SNX24: variants seen among roughly 807,000 people sequenced by gnomAD.
SNX24 encodes sorting nexin 24.
A neutral mutation model predicts 28.7 loss-of-function variants in SNX24; 22 were observed. The ratio of observed to expected loss-of-function variants is 0.77; its 90% CI spans 0.55 to 1.10. The LOEUF is 1.10. SNX24 is among the 50% of genes least tolerant of loss of function. The pLI, the probability that SNX24 is intolerant of heterozygous loss-of-function variation, is 0.00. For missense variants in SNX24, 221 were observed against 201.1 expected (o/e 1.10, Z -0.60); for synonymous variants, 69 against 71.5 (o/e 0.96, Z 0.18).
chr5:122,859,091 C>G (rs1055520109), intron 1 of SNX24, among the ~76,000 whole-genome samples: 1 of 152,100 alleles, frequency 6.6e-6, no homozygotes, highest in Non-Finnish European at 1.5e-5. Flanking sequence ...GGTATCATGC[C>G]TGGATATTGT....
intron 3 of SNX24, among the ~76,000 whole-genome samples, chr5:122,972,415 A>G (rs1026509726): frequency 2.0e-5 from 3 of 152,232 alleles, no homozygotes; most frequent in African/African-American, 7.2e-5. Context: ...ATGCTGATTC[A>G]AAGAATACAC....
chr5:122,857,665 G>T (rs1194668903), intron 1 of SNX24, among the ~76,000 whole-genome samples: 4 of 152,008 alleles, frequency 2.6e-5, no homozygotes, highest in African/African-American at 9.7e-5. Flanking sequence ...GTGGTATTTG[G>T]TTTTCTTTTC....
intron 1 of SNX24, among the ~76,000 whole-genome samples, chr5:122,899,028 G>C (rs1211161377): frequency 1.3e-5 from 2 of 152,192 alleles, no homozygotes; most frequent in Non-Finnish European, 2.9e-5. Flanking sequence ...GGCCATTTTT[G>C]AGAGCTTCTT....
intron 1 of SNX24, among the ~76,000 whole-genome samples, chr5:122,903,919 T>C (rs975383276): frequency 3.9e-5 from 6 of 152,194 alleles, no homozygotes; most frequent in African/African-American, 1.4e-4. Flanking sequence ...AGGTACACAA[T>C]ATGTTTCAAT....
intron 1 of SNX24, among the ~76,000 whole-genome samples, chr5:122,936,528 G>A (rs1759184145): frequency 6.6e-6 from 1 of 151,926 alleles, no homozygotes; most frequent in Non-Finnish European, 1.5e-5. Flanking sequence ...ACAGGTTTTT[G>A]GAGGATGTCA....
intron 2 of SNX24, among the ~76,000 whole-genome samples, chr5:122,938,687 TCCC>T: frequency 1.0e-4 from 1 of 9,900 alleles, no homozygotes; most frequent in African/African-American, 2.0e-3. Flanking sequence ...ACGCCTGTAA[TCCC>T]AGCACTTTGG....
intron 1 of SNX24, among the ~76,000 whole-genome samples, chr5:122,915,842 C>A (rs1053433841): frequency 6.6e-6 from 1 of 152,226 alleles, no homozygotes; most frequent in Admixed American, 6.5e-5. Flanking sequence ...CTCAGGTAAT[C>A]TGTTTCTTTT....
intron 1 of SNX24, among the ~76,000 whole-genome samples, chr5:122,909,114 A>G (rs1350049792): frequency 6.6e-6 from 1 of 152,226 alleles, no homozygotes; most frequent in African/African-American, 2.4e-5. Flanking sequence ...GATGAGAAGT[A>G]CAGCATTGTT....
chr5:122,980,354 T>C lies in SNX24; in HGVS notation c.250-19558T>C, dbSNP rs1318741968. 2.0e-5 allele frequency among the ~76,000 whole-genome samples: 3 copies of C among 152,158 alleles called. No homozygotes were observed. In the East Asian group the frequency reaches 5.8e-4, roughly 29 times the overall value. On this transcript the variant is annotated intron_variant, in intron 3 of 6. Coordinates refer to ENST00000261369, the MANE Select transcript of SNX24 (RefSeq NM_014035.4). Reference sequence around the variant, plus strand: ...GCATTTCAGTAACTGTTATTCCTTATAATGGAAATGTTTTATTGTATGCTA... The same window carrying C: ...GCATTTCAGTAACTGTTATTCCTTACAATGGAAATGTTTTATTGTATGCTA...
chr5:123,004,823 A>G (rs1762368179), intron 6 of SNX24, among the ~76,000 whole-genome samples: 1 of 152,168 alleles, frequency 6.6e-6, no homozygotes. Flanking sequence ...ATTGAATGCC[A>G]CGGCTTCAGA....
chr5:123,013,425 T>C (rs1373746744), downstream of SNX24, among the ~76,000 whole-genome samples: 1 of 152,348 alleles, frequency 6.6e-6, no homozygotes, highest in East Asian at 1.9e-4. Flanking sequence ...TTATTCTTGA[T>C]GATAATTACA....
intron 3 of SNX24, among the ~76,000 whole-genome samples, chr5:122,985,370 G>C (rs1044506876): frequency 1.3e-5 from 2 of 152,146 alleles, no homozygotes. Context: ...TCAAGACCTG[G>C]ATTCTCAACT....
chr5:122,979,971 G>A (rs1488624384), intron 3 of SNX24, among the ~76,000 whole-genome samples: 5 of 152,142 alleles, frequency 3.3e-5, no homozygotes, highest in Admixed American at 3.3e-4. Context: ...TTGAAGCTGT[G>A]TCCAACAATG....
intron 3 of SNX24, among the ~76,000 whole-genome samples, chr5:122,970,514 G>A (rs1323595859): frequency 1.3e-5 from 2 of 152,068 alleles, no homozygotes; most frequent in Non-Finnish European, 2.9e-5. Flanking sequence ...TGTCGCCCAG[G>A]CTGGAGTGCA....
At chr5:122,879,226 T>C (rs190387973) in intron 1 of SNX24, among the ~76,000 whole-genome samples, 80 of 152,346 alleles carry the variant, frequency 5.3e-4, no homozygotes, top group African/African-American at 1.9e-3. Context: ...CCAGCCATGT[T>C]TCAAATGCTT....
In SNX24 at chr5:122,867,240, A is replaced by T. The variant is rs193122232; in HGVS notation, c.60+21547A>T. 2.0e-5 allele frequency among the ~76,000 whole-genome samples: 3 copies of T among 152,328 alleles called. No homozygotes were observed. In the East Asian group the frequency reaches 5.8e-4, roughly 29 times the overall value. ...GGTAAGCCCAGTGAATTCCATGAGC[A>T]TGGGACCATTGCCTCACTTCATTTG... On this transcript the variant is annotated intron_variant, in intron 1 of 6. Transcript: ENST00000261369.
At chr5:122,915,797 C>G (rs1404400750) in intron 1 of SNX24, among the ~76,000 whole-genome samples, 1 of 152,248 alleles carries the variant, frequency 6.6e-6, no homozygotes. Context: ...CAGAGCCCTC[C>G]TGTGCCTTGA....
intron 3 of SNX24, among the ~76,000 whole-genome samples, chr5:122,951,290 A>G (rs1032517121): frequency 1.3e-4 from 20 of 150,274 alleles, no homozygotes; most frequent in Non-Finnish European, 3.0e-4. Context: ...AAAGAAAAAG[A>G]AAAGAAAATT....
intron 1 of SNX24, among the ~76,000 whole-genome samples, chr5:122,897,654 GT>G (rs1283463347): frequency 7.2e-5 from 11 of 152,192 alleles, no homozygotes; most frequent in African/African-American, 2.2e-4. Flanking sequence ...GAATATGTGT[GT>G]GTGCACACAG....
Sources: allele counts gnomAD v4.1 joint callset (sites outside exome capture counted in the v4.1 genomes callset), GRCh38; gene constraint gnomAD v4.1.1; transcripts MANE v1.5; gene names NCBI Gene and HGNC (gene_info 2026-07-23, HGNC 2026-07-21).